FMNL3: variants seen among roughly 807,000 people sequenced by gnomAD.
FMNL3 encodes formin-like protein 3.
In FMNL3, 57 loss-of-function variants were observed where a neutral mutation model predicts 119.6. The observed-to-expected ratio is 0.48, with a 90% CI of 0.39 to 0.59. The LOEUF (loss-of-function observed/expected upper bound fraction) is 0.59. Among genes scored for constraint, FMNL3 ranks in the 20% least tolerant of loss-of-function variants. FMNL3 has a pLI of 0.00. For synonymous variants in FMNL3, 491 were observed against 507.3 expected (o/e 0.97, Z 0.43); for missense variants, 1,053 against 1,323.5 (o/e 0.80, Z 3.17).
Position 49,640,272 on chromosome 12 carries a change from T to C in FMNL3, c.*5543A>G, listed in dbSNP as rs954358950. On this transcript the variant is annotated 3_prime_UTR_variant, in exon 26 of 26. Transcript: ENST00000335154. ...ATATTCTCTTGAGATCTGTTGAATT[T>C]TAAGTGTCTGAAATATCCAGTCTAG... 9 of 152,192 alleles carry C rather than the reference T, an allele frequency of 5.9e-5. No individual in the cohort carries two copies. The highest frequency in any genetic ancestry group is 2.2e-4 in the African/African-American group (9 of 41,448). The allele number at this position is 152,192 out of a possible 1,614,324, so 9.4% of individuals were successfully genotyped here.
At chr12:49,686,116 G>T (rs1351832806) in intron 1 of FMNL3, among the ~76,000 whole-genome samples, 3 of 151,806 alleles carry the variant, frequency 2.0e-5, no homozygotes, top group African/African-American at 7.2e-5. Context: ...TTTTTGGAAG[G>T]GGAGGGTTTG....
At chr12:49,669,557 T>C (rs904609206) in intron 1 of FMNL3, among the ~76,000 whole-genome samples, 1 of 152,168 alleles carries the variant, frequency 6.6e-6, no homozygotes, top group African/African-American at 2.4e-5. Flanking sequence ...CTGGGCCAGA[T>C]GCAGTAGCTC....
At chr12:49,656,138 A>G (rs1943561940) in intron 9 of FMNL3, among the ~76,000 whole-genome samples, 1 of 152,136 alleles carries the variant, frequency 6.6e-6, no homozygotes, top group African/African-American at 2.4e-5. Context: ...ATTTGGATGC[A>G]GGGCCCAACT....
At chr12:49,669,012 T>C (rs569725718) in intron 1 of FMNL3, among the ~76,000 whole-genome samples, 1 of 152,172 alleles carries the variant, frequency 6.6e-6, no homozygotes, top group Admixed American at 6.5e-5. Flanking sequence ...AGTTTGCTTT[T>C]CCCCCATAAC....
In FMNL3 at chr12:49,651,434, G is replaced by T; in HGVS notation, c.1620C>A (p.Ala540=). ...AGGGTGCAGCACCAGGGAGAGGTGG[G>T]GCTGGGGGACACTTGTCTGGGGGAA... ...PPPLPDKCPP[A]PPLPGAAPSV... is the part of the protein sequence containing the mutation. Residue 540 remains alanine, a synonymous_variant, in exon 15 of 26, where the codon GCC becomes GCA. Transcript: ENST00000335154. 1 of 1,484,690 alleles carries T rather than the reference G, an allele frequency of 6.7e-7. No homozygotes were observed. Among genetic ancestry groups the T allele is most frequent in the Non-Finnish European group, 9.0e-7 (1 of 1,113,504 alleles). 92.0% of individuals were successfully genotyped at this position (1,484,690 alleles called of 1,614,324 possible).
rs746175060 is a variant in FMNL3 at position 49,637,526 on chromosome 12, G to A, written c.*8289C>T. On this transcript the variant is annotated 3_prime_UTR_variant, in exon 26 of 26. Transcript: ENST00000335154. The stretch of plus-strand genomic sequence containing the variant: ...AGCTGCACTCTATGTCCACCTGGAT[G>A]GAGCTATATCCAGCAGTCAGCACTG... 4 of 1,613,770 alleles carry A rather than the reference G, an allele frequency of 2.5e-6. No individual in the cohort carries two copies. The African/African-American group carries it at 5.3e-5, about 22-fold the overall frequency.
intron 1 of FMNL3, among the ~76,000 whole-genome samples, chr12:49,697,849 C>T (rs907346228): frequency 1.5e-4 from 22 of 151,382 alleles, no homozygotes; most frequent in Non-Finnish European, 4.4e-5. Context: ...TGCCTAAAGT[C>T]GTGCAGCTGA....
At chr12:49,675,623 A>G (rs1944165346) in intron 1 of FMNL3, among the ~76,000 whole-genome samples, 1 of 151,912 alleles carries the variant, frequency 6.6e-6, no homozygotes, top group African/African-American at 2.4e-5. Flanking sequence ...CACTGTCATC[A>G]CCTGGGTGGG....
At chr12:49,668,333 A>C in intron 2 of FMNL3, 138 bp downstream of exon 2, 1 of 746,064 alleles carries the variant, frequency 1.3e-6, no homozygotes, top group Admixed American at 2.3e-5. Flanking sequence ...TTGGAAAAGA[A>C]AGTGAACACA....
intron 1 of FMNL3, among the ~76,000 whole-genome samples, chr12:49,699,053 T>A (rs889032986): frequency 6.6e-6 from 1 of 152,228 alleles, no homozygotes; most frequent in Non-Finnish European, 1.5e-5. Flanking sequence ...CGAACCGCGA[T>A]GAACCCCTAG....
rs765062731 is a variant in FMNL3 at position 49,649,645 on chromosome 12, G to A, written c.2235+46C>T. On this transcript the variant is annotated intron_variant, in intron 18 of 25. Coordinates refer to ENST00000335154, the MANE Select transcript of FMNL3 (RefSeq NM_175736.5). The surrounding 1 kb of genome is among the most constrained non-coding windows in gnomAD (Gnocchi z 5.6). ...AGGGGAGGTGACTAGCAGATGGAGG[G>A]TGGAGGGACAGCTGTCCAGAGCCAT... The A allele has an allele frequency of 6.2e-7, 1 of 1,611,362 alleles. No individual in the cohort carries two copies. The highest frequency in any genetic ancestry group is 1.7e-5 in the Admixed American group (1 of 60,018).
At position 49,638,062 on chromosome 12, in the gene FMNL3, T is replaced by C; in HGVS notation, c.*7753A>G. The C allele has an allele frequency of 4.0e-6, 2 of 499,350 alleles. No individual in the cohort carries two copies. The highest frequency in any genetic ancestry group is 7.1e-6 in the Non-Finnish European group (2 of 280,392). 30.9% of individuals were successfully genotyped at this position (499,350 alleles called of 1,614,324 possible). On this transcript the variant is annotated 3_prime_UTR_variant, in exon 26 of 26. Coordinates refer to ENST00000335154, the MANE Select transcript of FMNL3 (RefSeq NM_175736.5). The stretch of plus-strand genomic sequence containing the variant: ...CTGTTATACAAAGGGGCAAGTGTTA[T>C]TACAGAGACAGGAATCTGAAGAACT...
chr12:49,653,906 T>C, intron 11 of FMNL3, 32 bp from the exon 12 acceptor site: 1 of 1,611,008 alleles, frequency 6.2e-7, no homozygotes, highest in Non-Finnish European at 8.5e-7. Flanking sequence ...GGAGTAGTTG[T>C]AGGAGCAGGC....
chr12:49,688,427 A>C (rs1431764347), intron 1 of FMNL3: 3 of 455,932 alleles, frequency 6.6e-6, no homozygotes, highest in East Asian at 1.4e-4. Flanking sequence ...GGTCCCACAT[A>C]ATCTGGGCCC....
intron 2 of FMNL3, among the ~76,000 whole-genome samples, chr12:49,668,187 T>C (rs925154319): frequency 9.9e-5 from 15 of 152,016 alleles, no homozygotes; most frequent in Non-Finnish European, 1.9e-4. Flanking sequence ...GCCCTGAACC[T>C]GCACAGCCAA....
Position 49,641,842 on chromosome 12 carries a change from ACTCTGCCTGC to A in FMNL3, c.*3963_*3972del, listed in dbSNP as rs1014447649. ...CTTCTTGACCATCTGTAATGTGACC[ACTCTGCCTGC>A]CAGCTTTGGCCTCAGGCACGTGGTG... On this transcript the variant is annotated 3_prime_UTR_variant, in exon 26 of 26. Coordinates refer to ENST00000335154, the MANE Select transcript of FMNL3 (RefSeq NM_175736.5). The A allele has an allele frequency of 2.2e-6, 3 of 1,362,324 alleles. No individual in the cohort carries two copies. In the African/African-American group the frequency reaches 4.3e-5, roughly 19 times the overall value. 84.4% of individuals were successfully genotyped at this position (1,362,324 alleles called of 1,614,324 possible). A position where few individuals can be genotyped will look rare whatever the true frequency, so the allele number is the denominator to read the frequency against.
In FMNL3 at chr12:49,683,235, T is replaced by C. The variant is rs533744944; in HGVS notation, c.127-14681A>G. On this transcript the variant is annotated intron_variant, in intron 1 of 25. Coordinates refer to ENST00000335154, the MANE Select transcript of FMNL3 (RefSeq NM_175736.5). ...AGTAGGCATAGATGACTCTCAAATA[T>C]GTATTTCTATCCCAGACTTCTCCTT... Among the ~76,000 whole-genome samples the C allele has an allele frequency of 3.3e-5, 5 of 152,310 alleles. No homozygotes were observed. In the East Asian group the frequency reaches 9.6e-4, roughly 29 times the overall value.
chr12:49,653,086 C>T (rs1943456656), intron 13 of FMNL3, 140 bp downstream of exon 13: 1 of 754,486 alleles, frequency 1.3e-6, no homozygotes, highest in African/African-American at 1.7e-5. Context: ...AATCATCAGC[C>T]CACCCACACC....
intron 14 of FMNL3, 80 bp from the exon 15 acceptor site, chr12:49,651,530 C>T: frequency 8.8e-7 from 1 of 1,142,294 alleles, no homozygotes; most frequent in Non-Finnish European, 1.2e-6. Context: ...CCTGTCCCAC[C>T]TTCTCTGAGA....
Sources: gnomAD v4.1 joint callset for allele counts (sites outside exome capture counted in the v4.1 genomes callset) on GRCh38, gnomAD v4.1.1 for gene constraint, Gnocchi (gnomAD v3.1) non-coding constraint, MANE v1.5 for transcripts, NCBI Gene and HGNC (gene_info 2026-07-23, HGNC 2026-07-21) for gene names.